The following INPP5D variants were observed in gnomAD, a reference collection of about 807,000 sequenced individuals.
INPP5D encodes phosphatidylinositol 3,4,5-trisphosphate 5-phosphatase 1.
A neutral mutation model predicts 122.9 loss-of-function variants in INPP5D; 33 were observed. The observed-to-expected ratio is 0.27, with a 90% confidence interval of 0.20 to 0.36. The LOEUF (loss-of-function observed/expected upper bound fraction) is 0.36, where lower values mean the gene tolerates loss of function less well. Among genes scored for constraint, INPP5D ranks in the 10% least tolerant of loss-of-function variants. The pLI, the probability that INPP5D is intolerant of heterozygous loss-of-function variation, is 1.00. For synonymous variants in INPP5D, 584 were observed against 576.2 expected, an observed-to-expected ratio of 1.01 and a Z score of -0.19; for missense variants, 1,053 against 1,412.7, an observed-to-expected ratio of 0.75 and a Z score of 4.08.
Position 233,092,189 on chromosome 2 carries a change from C to G in INPP5D, c.198+12791C>G, listed in dbSNP as rs1692010765. Among the ~76,000 whole-genome samples, 4 of 152,208 alleles carry G rather than the reference C, an allele frequency of 2.6e-5. No homozygotes were observed. In the South Asian group the frequency reaches 8.3e-4, roughly 31 times the overall value. ...CGGCCGGAGTGACTGGGGGCCCGAG[C>G]TGCCAGGCTTATCAGGGAGCCGTCC... On this transcript the variant is annotated intron_variant, in intron 2 of 26. Coordinates refer to ENST00000445964, the MANE Select transcript of INPP5D (RefSeq NM_001017915.3).
At chr2:233,129,140 C>A (rs977205916) in intron 4 of INPP5D, among the ~76,000 whole-genome samples, 1 of 151,824 alleles carries the variant, frequency 6.6e-6, no homozygotes, top group Non-Finnish European at 1.5e-5. Flanking sequence ...CACTCCAGCC[C>A]AGGTGACAGG....
intron 9 of INPP5D, among the ~76,000 whole-genome samples, chr2:233,155,985 C>T (rs1694043220): frequency 6.6e-6 from 1 of 152,208 alleles, no homozygotes; most frequent in African/African-American, 2.4e-5. Context: ...AGTGGATGAT[C>T]ATATTCCCAG....
chr2:233,180,435 C>T (rs1248882148), intron 18 of INPP5D, among the ~76,000 whole-genome samples: 1 of 152,160 alleles, frequency 6.6e-6, no homozygotes, highest in East Asian at 1.9e-4. Flanking sequence ...CACAGCAAAC[C>T]TGTACCCCTG....
intron 1 of INPP5D, among the ~76,000 whole-genome samples, chr2:233,064,509 G>C (rs1281237667): frequency 1.3e-5 from 2 of 152,224 alleles, no homozygotes; most frequent in African/African-American, 4.8e-5. Flanking sequence ...AGAGCTCTGT[G>C]CCAGGCACCA....
rs1011163133 is a variant in INPP5D at position 233,122,271 on chromosome 2, G to T, written c.349+14G>T. ...AGGAGGACACAGGTAGGGAGGGAGG[G>T]ACAGGACGGCAGGAGGTACTTTTGG... On this transcript the variant is annotated intron_variant, in intron 3 of 26. Coordinates refer to ENST00000445964, the MANE Select transcript of INPP5D (RefSeq NM_001017915.3). 1.9e-6 allele frequency: 3 copies of T among 1,611,804 alleles called. No homozygotes were observed. Among genetic ancestry groups the T allele is most frequent in the Non-Finnish European group, 2.5e-6 (3 of 1,178,748 alleles).
chr2:233,069,081 C>T (rs1691308023), intron 1 of INPP5D, among the ~76,000 whole-genome samples: 1 of 152,216 alleles, frequency 6.6e-6, no homozygotes, highest in South Asian at 2.1e-4. Context: ...TCAGGCTTGA[C>T]AGGTGCGGCA....
intron 5 of INPP5D, 29 bp downstream of exon 5, chr2:233,130,677 G>T (rs371018842): frequency 9.9e-6 from 16 of 1,612,918 alleles, no homozygotes; most frequent in African/African-American, 1.3e-5. Context: ...GGGCGGGCAG[G>T]TGGGGGCGGC....
chr2:233,108,441 T>A (rs559295866), intron 2 of INPP5D, among the ~76,000 whole-genome samples: 1 of 152,376 alleles, frequency 6.6e-6, no homozygotes, highest in South Asian at 2.1e-4. Flanking sequence ...CACTATTAGA[T>A]AAAATATAAA....
rs1559345058 is a variant in INPP5D, at chr2:233,193,861, C to T, written c.2496C>T (p.Pro832=). The T allele has an allele frequency of 1.2e-6, 2 of 1,613,656 alleles. No homozygotes were observed. Among genetic ancestry groups the T allele is most frequent in the East Asian group, 2.2e-5 (1 of 44,852 alleles). ...TAGAGGCCACAGAAACGCAGCTGCC[C>T]ATCTACACGCCTCTCACCCACCATG... The part of the protein sequence containing the change: ...LRLEATETQL[P]IYTPLTHHGE... Residue 832 remains proline (P), a synonymous_variant, in exon 23 of 27, where the codon CCC becomes CCT. Transcript: ENST00000445964.
chr2:233,170,721 G>A lies in INPP5D; in HGVS notation c.1900+117G>A. The A allele has an allele frequency of 7.3e-7, 1 of 1,361,474 alleles. No individual in the cohort carries two copies. The highest frequency in any genetic ancestry group is 1.5e-5 in the African/African-American group (1 of 68,418). The allele number at this position is 1,361,474 out of a possible 1,614,324, so 84.3% of individuals were successfully genotyped here. On this transcript the variant is annotated intron_variant, in intron 16 of 26. Coordinates refer to ENST00000445964, the MANE Select transcript of INPP5D (RefSeq NM_001017915.3). This position sits in a 1 kb window ranked among gnomAD's most constrained non-coding sequence, Gnocchi z 4.5. ...GATGGAGACCATCCTGGCTAACACA[G>A]TGAAACCCCGTCTCTACTTAAAAAA...
chr2:233,106,474 C>G (rs78933842), intron 2 of INPP5D, among the ~76,000 whole-genome samples: 2,619 of 152,348 alleles, frequency 0.017, 81 homozygotes, highest in African/African-American at 0.06. Context: ...ATTGCACTGG[C>G]TTGGCCAGAG....
intron 21 of INPP5D, among the ~76,000 whole-genome samples, chr2:233,187,641 C>A (rs1274673754): frequency 6.6e-6 from 1 of 152,218 alleles, no homozygotes; most frequent in Non-Finnish European, 1.5e-5. Context: ...AGCTGCGGCA[C>A]AATTCCAAAT....
At chr2:233,146,133 G>A in intron 6 of INPP5D, 29 bp from the exon 7 acceptor site, 1 of 704,086 alleles carries the variant, frequency 1.4e-6, no homozygotes, top group Non-Finnish European at 2.6e-6. Flanking sequence ...CAGTGATGCT[G>A]CCCTGATCCT....
intron 25 of INPP5D, among the ~76,000 whole-genome samples, chr2:233,198,886 G>T (rs1695256831): frequency 6.6e-6 from 1 of 151,574 alleles, no homozygotes; most frequent in African/African-American, 2.4e-5. Context: ...GGAGGTGGAG[G>T]TTGCGGTGCG....
chr2:233,125,811 A>C lies in INPP5D; in HGVS notation c.416A>C (p.Glu139Ala). ...RNIPLTASSC[E>A]AKEVPFSNEN... is the part of the protein sequence containing the mutation. ...ATCCCGCTGACTGCCAGCTCCTGTG[A>C]GGCCAAGGAGGTTCCTTTTTCAAAC... The change falls in exon 4 of 27, where the codon GAG becomes GCG. Residue 139 changes from glutamate (E) to alanine (A), a missense_variant. Physicochemically the swap from Glu to Ala is moderately radical, Grantham distance 107. Around this residue, in one of 6 missense-constraint regions of INPP5D, gnomAD observed 196 missense variants for 175.6 expected, o/e 1.12. Transcript: ENST00000445964. 2 of 1,613,860 alleles carry C rather than the reference A, an allele frequency of 1.2e-6. No individual in the cohort carries two copies. The highest frequency in any genetic ancestry group is 1.7e-6 in the Non-Finnish European group (2 of 1,179,826).
chr2:233,090,587 A>T (rs1318695214), intron 2 of INPP5D, among the ~76,000 whole-genome samples: 2 of 152,182 alleles, frequency 1.3e-5, no homozygotes, highest in Non-Finnish European at 2.9e-5. Flanking sequence ...GCGCCCTCAC[A>T]CAGACACAAG....
chr2:233,099,911 C>T (rs1422638030), intron 2 of INPP5D, among the ~76,000 whole-genome samples: 1 of 152,072 alleles, frequency 6.6e-6, no homozygotes, highest in African/African-American at 2.4e-5. Flanking sequence ...ACAATCATGG[C>T]GGAAGGTGAA....
chr2:233,185,738 G>T (rs1161359183), intron 20 of INPP5D, 105 bp from the exon 21 acceptor site: 6 of 918,530 alleles, frequency 6.5e-6, no homozygotes, highest in Non-Finnish European at 7.0e-6. Flanking sequence ...AAAAAAAAAA[G>T]GAGAGAGCAC....
chr2:233,161,617 T>A, intron 10 of INPP5D, 107 bp from the exon 11 acceptor site: 2 of 1,399,832 alleles, frequency 1.4e-6, no homozygotes, highest in East Asian at 2.7e-5. Flanking sequence ...AAGTTCACAC[T>A]GATTTACGCT....
Sources: allele counts gnomAD v4.1 joint callset (sites outside exome capture counted in the v4.1 genomes callset), GRCh38; gene constraint gnomAD v4.1.1; regional missense constraint gnomAD v4.1.1; non-coding constraint Gnocchi (gnomAD v3.1); transcripts MANE v1.5; gene names NCBI Gene and HGNC (gene_info 2026-07-23, HGNC 2026-07-21).